PBRM1: variants seen among roughly 807,000 people sequenced by gnomAD.
PBRM1 encodes protein polybromo-1.
PBRM1 carries 27 observed loss-of-function variants against 194.5 expected under a neutral mutation model. The observed-to-expected ratio is 0.14, with a 90% CI of 0.10 to 0.19. The LOEUF (loss-of-function observed/expected upper bound fraction) is 0.19, where lower values mean the gene tolerates loss of function less well. Ranked by LOEUF, PBRM1 falls within the 10% of genes least tolerant of loss-of-function variation. The pLI is 1.00. For synonymous variants in PBRM1, 655 were observed against 693.2 expected (o/e 0.94, Z 0.87); for missense variants, 1,466 against 2,077.2 (o/e 0.71, Z 5.72).
chr3:52,678,784 GACTA>G (rs2097155939), intron 1 of PBRM1, among the ~76,000 whole-genome samples, 187 bp from the exon 3 acceptor site: 1 of 152,142 alleles, frequency 6.6e-6, no homozygotes, highest in South Asian at 2.1e-4. Context: ...CAACTGAGTT[GACTA>G]ACTTTTTGGT....
intron 29 of PBRM1, among the ~76,000 whole-genome samples, chr3:52,548,681 C>T (rs1244614163): frequency 2.0e-5 from 3 of 152,172 alleles, no homozygotes; most frequent in Non-Finnish European, 4.4e-5. Flanking sequence ...CTACCTTGGC[C>T]TCCCAAAGTG....
At chr3:52,554,395 C>T (rs540490211) in intron 27 of PBRM1, among the ~76,000 whole-genome samples, 1 of 152,372 alleles carries the variant, frequency 6.6e-6, no homozygotes, top group East Asian at 1.9e-4. Context: ...GATAAGAGGA[C>T]ACAGCCTTCT....
chr3:52,550,676 ACT>A (rs746857678), intron 28 of PBRM1, 39 bp from the exon 31 acceptor site: 12 of 1,571,552 alleles, frequency 7.6e-6, no homozygotes, highest in Non-Finnish European at 9.5e-6. Flanking sequence ...GCAAAAAGAG[ACT>A]CTGCACATGT....
At chr3:52,681,079 A>G (rs1396441901), upstream of PBRM1, 2 of 151,122 alleles carry the variant, frequency 1.3e-5, no homozygotes, top group Non-Finnish European at 3.0e-5. Flanking sequence ...TGTGCCTTAC[A>G]ATTATGAGGA....
At chr3:52,612,669 G>A (rs943567143) in intron 15 of PBRM1, among the ~76,000 whole-genome samples, 10 of 151,872 alleles carry the variant, frequency 6.6e-5, no homozygotes, top group Non-Finnish European at 1.3e-4. Context: ...TTTGGGAGGC[G>A]GAGGCGGACG....
intron 13 of PBRM1, among the ~76,000 whole-genome samples, chr3:52,626,027 T>G (rs962778284): frequency 6.6e-6 from 1 of 152,268 alleles, no homozygotes; most frequent in Non-Finnish European, 1.5e-5. Flanking sequence ...GTGTTGGCAC[T>G]AATTGTACCA....
chr3:52,672,635 T>A (rs1411399387), intron 2 of PBRM1, among the ~76,000 whole-genome samples: 2 of 151,364 alleles, frequency 1.3e-5, no homozygotes, highest in East Asian at 3.9e-4. Context: ...GCTGAGATTA[T>A]AGGTGCACAC....
At chr3:52,630,899 T>G (rs944577503) in intron 11 of PBRM1, among the ~76,000 whole-genome samples, 1 of 152,166 alleles carries the variant, frequency 6.6e-6, no homozygotes, top group African/African-American at 2.4e-5. Flanking sequence ...GCTACTGTAA[T>G]AGACTATTTA....
Position 52,609,622 on chromosome 3 carries a change from T to A in PBRM1, c.2258A>T (p.His753Leu). Residue 753 changes from histidine (H) to leucine (L), a missense_variant, in exon 16 of 30, where the codon CAC (histidine) becomes CTC (leucine). His to Leu is a moderately conservative substitution (Grantham distance 99). Transcript: ENST00000296302. The surrounding 1 kb of genome is among the most constrained non-coding windows in gnomAD (Gnocchi z 4.1). ...TCTGCGTGTTTCAAGCAGGACTTTG[T>A]GTAGAACAAGAGCATCTTTGTAGAT... The A allele has an allele frequency of 6.2e-7, 1 of 1,613,518 alleles. No individual in the cohort carries two copies. The highest frequency in any genetic ancestry group is 8.5e-7 in the Non-Finnish European group (1 of 1,179,728).
intron 20 of PBRM1, 29 bp from the exon 23 acceptor site, chr3:52,579,228 G>T: frequency 6.2e-7 from 1 of 1,603,006 alleles, no homozygotes; most frequent in Non-Finnish European, 8.5e-7. Flanking sequence ...GCTGAAGAAA[G>T]GTAGTTGATA....
chr3:52,593,946 T>C (rs2093338925), intron 17 of PBRM1, among the ~76,000 whole-genome samples: 1 of 152,240 alleles, frequency 6.6e-6, no homozygotes, highest in South Asian at 2.1e-4. Context: ...TCAGGTACAT[T>C]TGGCCCAGTG....
At chr3:52,628,457 ATATATATAT>A (rs1328694248) in intron 12 of PBRM1, among the ~76,000 whole-genome samples, 4 of 136,600 alleles carry the variant, frequency 2.9e-5, no homozygotes, top group African/African-American at 8.3e-5. Flanking sequence ...TACATATTTT[ATATATATAT>A]TATATATATT....
At chr3:52,553,663 CTTT>C (rs71084188) in intron 27 of PBRM1, among the ~76,000 whole-genome samples, 18 of 119,408 alleles carry the variant, frequency 1.5e-4, no homozygotes, top group Admixed American at 1.9e-4. Context: ...CTAATTTTTC[CTTT>C]TTTTTTTTTT....
At chr3:52,648,502 T>C in intron 6 of PBRM1, 60 bp from the exon 8 acceptor site, 1 of 854,576 alleles carries the variant, frequency 1.2e-6, no homozygotes. Flanking sequence ...GTACAACCTT[T>C]AAAAAAAGAA....
At chr3:52,591,381 T>C (rs1057427435) in intron 17 of PBRM1, among the ~76,000 whole-genome samples, 2 of 152,160 alleles carry the variant, frequency 1.3e-5, no homozygotes, top group Non-Finnish European at 2.9e-5. Flanking sequence ...CAGCATGACG[T>C]TGGGTGGCTT....
At chr3:52,680,479 C>T (rs891577454), upstream of PBRM1, among the ~76,000 whole-genome samples, 11 of 152,128 alleles carry the variant, frequency 7.2e-5, no homozygotes, top group African/African-American at 2.2e-4. Context: ...AACTATAACA[C>T]GTACTCTATT....
chr3:52,586,679 T>C (rs1454808042), exon 20 of PBRM1: 3 of 1,590,244 alleles, frequency 1.9e-6, no homozygotes, highest in Non-Finnish European at 2.6e-6. Flanking sequence ...GGGCATAACT[T>C]AAAGTATTCC....
chr3:52,639,260 GCCACCAAGCCTGGCCTTATTCACA>G (rs2095969974), intron 10 of PBRM1, among the ~76,000 whole-genome samples: 1 of 152,138 alleles, frequency 6.6e-6, no homozygotes, highest in Non-Finnish European at 1.5e-5. Flanking sequence ...ACAGGCGTGA[GCCACCAAGCCTGGCCTTATTCACA>G]CATTCTTTTT....
chr3:52,657,029 C>T (rs1224727925), intron 5 of PBRM1, among the ~76,000 whole-genome samples: 2 of 152,134 alleles, frequency 1.3e-5, no homozygotes, highest in Non-Finnish European at 2.9e-5. Flanking sequence ...TGAACATATG[C>T]TAAGTGAAAT....
Sources: gnomAD v4.1 joint callset for allele counts (sites outside exome capture counted in the v4.1 genomes callset) on GRCh38, gnomAD v4.1.1 for gene constraint, Gnocchi (gnomAD v3.1) non-coding constraint, MANE v1.5 for transcripts, NCBI Gene and HGNC (gene_info 2026-07-23, HGNC 2026-07-21) for gene names.